Variants in KSR2 observed in about 807,000 individuals in gnomAD.
The protein encoded by KSR2 is kinase suppressor of ras 2.
Under a neutral mutation model 107.8 loss-of-function variants are expected in KSR2, and 25 were observed. The observed-to-expected ratio is 0.23, with a 90% confidence interval of 0.17 to 0.32. KSR2 has a LOEUF of 0.32. Ranked by LOEUF, KSR2 falls within the 10% of genes least tolerant of loss-of-function variation. KSR2 has a pLI of 1.00. For missense variants in KSR2, 887 were observed against 1,268.9 expected, an observed-to-expected ratio of 0.70 and a Z score of 4.57; for synonymous variants, 480 against 507.0, an observed-to-expected ratio of 0.95 and a Z score of 0.71.
rs1019220352 is a variant in KSR2 at position 117,453,871 on chromosome 12, G to A, written c.*13328C>T. The A allele has an allele frequency of 8.6e-5, 13 of 152,008 alleles. No homozygotes were observed. The highest frequency in any genetic ancestry group is 1.3e-4 in the Non-Finnish European group (9 of 68,044). 9.4% of individuals were successfully genotyped at this position (152,008 alleles called of 1,614,324 possible). A position where few individuals can be genotyped will look rare whatever the true frequency, so the allele number is the denominator to read the frequency against. ...CTGCTTTGGGATAGGGAGGAAGAAT[G>A]TTCTGTTTCTATGAGGGCCTTGGTG... On this transcript the variant is annotated 3_prime_UTR_variant, in exon 20 of 20. Coordinates refer to ENST00000339824, the MANE Select transcript of KSR2 (RefSeq NM_173598.6).
chr12:117,899,409 C>T (rs1894617096), intron 1 of KSR2, among the ~76,000 whole-genome samples: 1 of 152,146 alleles, frequency 6.6e-6, no homozygotes, highest in Non-Finnish European at 1.5e-5. Context: ...GGGAGGATCA[C>T]TTGAGCCCAG....
At chr12:117,643,714 T>A (rs1030953907) in intron 5 of KSR2, among the ~76,000 whole-genome samples, 2 of 152,140 alleles carry the variant, frequency 1.3e-5, no homozygotes, top group Non-Finnish European at 2.9e-5. Context: ...GAGTGCTTGT[T>A]AAATAGCCCC....
intron 5 of KSR2, among the ~76,000 whole-genome samples, chr12:117,657,494 T>C (rs1884235677): frequency 6.6e-6 from 1 of 152,200 alleles, no homozygotes; most frequent in African/African-American, 2.4e-5. Context: ...ATCACCAACA[T>C]CACCATGCAG....
chr12:117,463,322 CCT>C lies in KSR2; in HGVS notation c.*3875_*3876del, dbSNP rs965699420. ...TCCCCCTCCAACTTCCTGTTCCTCC[CCT>C]GAGAGCCATATCCAACCCTCTCTAT... On this transcript the variant is annotated 3_prime_UTR_variant, in exon 20 of 20. Coordinates refer to ENST00000339824, the MANE Select transcript of KSR2 (RefSeq NM_173598.6). The C allele has an allele frequency of 5.3e-5, 8 of 152,236 alleles. No homozygotes were observed. The highest frequency in any genetic ancestry group is 1.7e-4 in the African/African-American group (7 of 41,446). 9.4% of individuals were successfully genotyped at this position (152,236 alleles called of 1,614,324 possible). A position where few individuals can be genotyped will look rare whatever the true frequency, so the allele number is the denominator to read the frequency against.
intron 10 of KSR2, among the ~76,000 whole-genome samples, chr12:117,532,042 T>C (rs757891138): frequency 2.0e-5 from 3 of 152,166 alleles, no homozygotes; most frequent in Non-Finnish European, 2.9e-5. Flanking sequence ...TAATCCAAAA[T>C]ATTAATTTTT....
chr12:117,690,203 A>T (rs947337872), intron 4 of KSR2, among the ~76,000 whole-genome samples: 2 of 152,194 alleles, frequency 1.3e-5, no homozygotes, highest in Admixed American at 1.3e-4. Context: ...CTTATTCACC[A>T]TTATGTCCCC....
Position 117,467,212 on chromosome 12 carries a change from TG to T in KSR2, c.2847-8del. 1.4e-6 allele frequency: 1 copy of T among 725,038 alleles called. No homozygotes were observed. Among genetic ancestry groups the T allele is most frequent in the Non-Finnish European group, 2.5e-6 (1 of 393,594 alleles). The allele number at this position is 725,038 out of a possible 1,614,324, so 44.9% of individuals were successfully genotyped here. ...GATGTCCAAAGGTCACAGCCTGGAGTGGGGAGAGAAGGGAGAGAGTGGTGAG... is the reference window on the plus strand; with the variant it reads ...GATGTCCAAAGGTCACAGCCTGGAGTGGGAGAGAAGGGAGAGAGTGGTGAG... On this transcript the variant is annotated splice_polypyrimidine_tract_variant and splice_region_variant and intron_variant, in intron 19 of 19. Coordinates refer to ENST00000339824, the MANE Select transcript of KSR2 (RefSeq NM_173598.6).
chr12:117,502,709 A>T (rs1873454040), intron 14 of KSR2, among the ~76,000 whole-genome samples: 1 of 152,196 alleles, frequency 6.6e-6, no homozygotes, highest in Non-Finnish European at 1.5e-5. Flanking sequence ...AAAGAAAAAA[A>T]CAAATGGAAG....
At chr12:117,877,203 G>C (rs536848498) in intron 1 of KSR2, among the ~76,000 whole-genome samples, 70 of 152,118 alleles carry the variant, frequency 4.6e-4, no homozygotes, top group Non-Finnish European at 8.1e-4. Context: ...TGGGCATGGT[G>C]GTGGGCGCCT....
At chr12:117,564,701 T>C (rs1441123927) in intron 7 of KSR2, among the ~76,000 whole-genome samples, 1 of 152,158 alleles carries the variant, frequency 6.6e-6, no homozygotes, top group Non-Finnish European at 1.5e-5. Flanking sequence ...CCTCATGTGC[T>C]ACCTCCCTTT....
At chr12:117,861,378 CTTTTTTTTT>C (rs5801257) in intron 1 of KSR2, among the ~76,000 whole-genome samples, 7 of 81,680 alleles carry the variant, frequency 8.6e-5, no homozygotes, top group African/African-American at 2.8e-4. Context: ...TCCCAATTCG[CTTTTTTTTT>C]TTTTTTTTTT....
At chr12:117,473,235 C>T (rs185720572) in intron 17 of KSR2, among the ~76,000 whole-genome samples, 85 of 152,282 alleles carry the variant, frequency 5.6e-4, no homozygotes, top group African/African-American at 2.0e-3. Flanking sequence ...TGTGGCACGC[C>T]CCCTCTGGGA....
intron 1 of KSR2, among the ~76,000 whole-genome samples, chr12:117,882,326 T>C (rs945634449): frequency 6.6e-6 from 1 of 152,146 alleles, no homozygotes; most frequent in Non-Finnish European, 1.5e-5. Flanking sequence ...TAACTTCCCA[T>C]TTCCAAATTG....
chr12:117,788,665 CTTT>C (rs1342615448), intron 3 of KSR2, among the ~76,000 whole-genome samples: 3 of 152,112 alleles, frequency 2.0e-5, no homozygotes, highest in Non-Finnish European at 4.4e-5. Flanking sequence ...CCACGCCTGG[CTTT>C]TTTGTTTGTT....
intron 4 of KSR2, among the ~76,000 whole-genome samples, chr12:117,754,369 G>A (rs1444783544): frequency 6.6e-6 from 1 of 152,140 alleles, no homozygotes; most frequent in Non-Finnish European, 1.5e-5. Flanking sequence ...CAGGCATGGT[G>A]GCTCACACCT....
At chr12:117,569,940 G>A (rs185229063) in intron 7 of KSR2, among the ~76,000 whole-genome samples, 125 of 151,680 alleles carry the variant, frequency 8.2e-4, no homozygotes, top group Non-Finnish European at 1.6e-3. Context: ...CATGGCGTAG[G>A]AATGAGTAGC....
At chr12:117,616,514 A>C (rs1007513312) in intron 5 of KSR2, among the ~76,000 whole-genome samples, 4 of 152,176 alleles carry the variant, frequency 2.6e-5, no homozygotes, top group African/African-American at 9.7e-5. Flanking sequence ...CCCTTGACTA[A>C]AGAAAACAGC....
intron 1 of KSR2, among the ~76,000 whole-genome samples, chr12:117,945,470 T>C (rs552953813): frequency 1.3e-5 from 2 of 150,848 alleles, no homozygotes; most frequent in East Asian, 3.9e-4. Context: ...AGGAAAGGAG[T>C]TCAAGATCAG....
chr12:117,926,373 C>T (rs11068744), intron 1 of KSR2, among the ~76,000 whole-genome samples: 15,227 of 152,254 alleles, frequency 0.1, 846 homozygotes, highest in Middle Eastern at 0.13. Context: ...CCAACCATTA[C>T]GTGCAAAGCA....
Sources: allele counts gnomAD v4.1 joint callset (sites outside exome capture counted in the v4.1 genomes callset), GRCh38; gene constraint gnomAD v4.1.1; transcripts MANE v1.5; gene names NCBI Gene and HGNC (gene_info 2026-07-23, HGNC 2026-07-21).